The following XYLB variants were observed in gnomAD, a reference collection of about 807,000 sequenced individuals.
XYLB encodes the protein xylulokinase.
A neutral mutation model predicts 78.7 loss-of-function variants in XYLB; 62 were observed. The ratio of observed to expected loss-of-function variants is 0.79; its 90% CI spans 0.64 to 0.97. The LOEUF (loss-of-function observed/expected upper bound fraction) is 0.97, where lower values mean the gene tolerates loss of function less well. XYLB is among the 50% of genes least tolerant of loss of function. The pLI is 0.00. For synonymous variants in XYLB, 245 were observed against 247.4 expected, an observed-to-expected ratio of 0.99 and a Z score of 0.09; for missense variants, 687 against 676.8, an observed-to-expected ratio of 1.02 and a Z score of -0.17.
chr3:38,372,280 C>T (rs536913267), intron 9 of XYLB: 1 of 472,346 alleles, frequency 2.1e-6, no homozygotes, highest in African/African-American at 2.1e-5. Flanking sequence ...ATTATCTGCT[C>T]CCATGAGTTT....
rs1341171034 is a variant in XYLB at position 38,350,051 on chromosome 3, G to A, written c.140+1419G>A. On this transcript the variant is annotated intron_variant, in intron 2 of 18. Coordinates refer to ENST00000207870, the MANE Select transcript of XYLB (RefSeq NM_005108.4). ...GGGCAGAGGGGGCACAATTCAGTCC[G>A]TAACACTGTGGACTTGCTGGTTTTG... is the stretch of plus-strand genomic sequence containing the variant. 5.3e-5 allele frequency among the ~76,000 whole-genome samples: 8 copies of A among 152,328 alleles called. No homozygotes were observed. The East Asian group carries it at 5.8e-4, about 11-fold the overall frequency.
At chr3:38,381,913 T>G (rs1269360265) in intron 15 of XYLB, among the ~76,000 whole-genome samples, 1 of 152,240 alleles carries the variant, frequency 6.6e-6, no homozygotes, top group Admixed American at 6.5e-5. Context: ...ATTATCCTGT[T>G]AAGTACTTGA....
At chr3:38,425,928 TG>T (rs1215691566), downstream of XYLB, among the ~76,000 whole-genome samples, 9 of 152,256 alleles carry the variant, frequency 5.9e-5, no homozygotes, top group South Asian at 2.1e-4. Context: ...TGTATAATAC[TG>T]ATCATTCTAT....
intron 15 of XYLB, among the ~76,000 whole-genome samples, chr3:38,391,468 G>A (rs905747642): frequency 6.6e-6 from 1 of 152,066 alleles, no homozygotes; most frequent in Non-Finnish European, 1.5e-5. Flanking sequence ...TACTACATGC[G>A]GTGTGATTTG....
At chr3:38,399,297 A>T (rs1280171964) in intron 17 of XYLB, among the ~76,000 whole-genome samples, 1 of 151,692 alleles carries the variant, frequency 6.6e-6, no homozygotes, top group Non-Finnish European at 1.5e-5. Context: ...GGGTTTCGCC[A>T]TGTTGCCCAG....
chr3:38,394,806 G>A (rs775654339), intron 15 of XYLB, among the ~76,000 whole-genome samples: 5 of 152,166 alleles, frequency 3.3e-5, no homozygotes, highest in Non-Finnish European at 4.4e-5. Context: ...CTTGACTGAC[G>A]CTGGAGGATC....
downstream of XYLB, among the ~76,000 whole-genome samples, chr3:38,424,001 C>G (rs189812303): frequency 1.1e-3 from 169 of 152,268 alleles, no homozygotes; most frequent in Non-Finnish European, 2.3e-3. Flanking sequence ...ATGACCTGCT[C>G]TAGGCATTCC....
At chr3:38,403,473 G>A (rs1305441310) in intron 18 of XYLB, among the ~76,000 whole-genome samples, 2 of 152,158 alleles carry the variant, frequency 1.3e-5, no homozygotes, top group Non-Finnish European at 2.9e-5. Context: ...CATGGTGACA[G>A]GACAGCTATA....
At chr3:38,381,186 T>TC (rs1047732010) in intron 15 of XYLB, among the ~76,000 whole-genome samples, 59 of 152,306 alleles carry the variant, frequency 3.9e-4, no homozygotes, top group African/African-American at 1.4e-3. Context: ...ATTTATTAGT[T>TC]CCCCAAATTA....
chr3:38,429,996 A>C, the XYLB span, among the ~76,000 whole-genome samples: 1 of 152,162 alleles, frequency 6.6e-6, no homozygotes, highest in African/African-American at 2.4e-5. Context: ...TGCTATTGTG[A>C]ATAGTGCCAC....
chr3:38,416,305 T>G (rs1575553402), downstream of XYLB, among the ~76,000 whole-genome samples: 1 of 151,272 alleles, frequency 6.6e-6, no homozygotes, highest in Admixed American at 6.6e-5. Flanking sequence ...GAAGTGTAAG[T>G]AAGGAAAAAG....
At chr3:38,431,014 C>G in the XYLB span, among the ~76,000 whole-genome samples, 1 of 152,142 alleles carries the variant, frequency 6.6e-6, no homozygotes. Flanking sequence ...GTTCTTTTTG[C>G]TTAGGATTGT....
At chr3:38,369,058 G>T (rs936537744) in intron 8 of XYLB, among the ~76,000 whole-genome samples, 1 of 152,150 alleles carries the variant, frequency 6.6e-6, no homozygotes, top group Non-Finnish European at 1.5e-5. Flanking sequence ...TGGACAGAAT[G>T]GGGGTAGAGA....
intron 9 of XYLB, among the ~76,000 whole-genome samples, chr3:38,370,934 T>C (rs1412357819): frequency 6.6e-6 from 1 of 151,806 alleles, no homozygotes; most frequent in East Asian, 1.9e-4. Flanking sequence ...TGGTGGGAAA[T>C]GCTTACCACA....
intron 13 of XYLB, 109 bp downstream of exon 13, chr3:38,376,341 C>T (rs1405665857): frequency 1.5e-5 from 11 of 738,046 alleles, no homozygotes; most frequent in Non-Finnish European, 2.2e-5. Context: ...TGGAGAAGTC[C>T]AGGGGAGTCC....
chr3:38,404,162 C>G (rs1708224037), intron 18 of XYLB, among the ~76,000 whole-genome samples: 2 of 152,228 alleles, frequency 1.3e-5, no homozygotes, highest in Non-Finnish European at 2.9e-5. Flanking sequence ...TGTTCTCTGA[C>G]TCCTTAATGT....
intron 15 of XYLB, among the ~76,000 whole-genome samples, chr3:38,384,157 C>T (rs543192262): frequency 3.3e-5 from 5 of 152,216 alleles, no homozygotes; most frequent in African/African-American, 1.2e-4. Context: ...ACCTCCGCCT[C>T]CCGGGTTCAA....
the XYLB span, among the ~76,000 whole-genome samples, chr3:38,448,605 G>A: frequency 6.6e-6 from 1 of 152,030 alleles, no homozygotes; most frequent in African/African-American, 2.4e-5. Flanking sequence ...TTAGATGTGG[G>A]CATTTAAAAT....
chr3:38,381,819 C>G (rs577799257), intron 15 of XYLB, among the ~76,000 whole-genome samples: 2 of 152,114 alleles, frequency 1.3e-5, no homozygotes, highest in Non-Finnish European at 1.5e-5. Context: ...CAATGGTGCC[C>G]GAAACTTCAT....
Sources: gnomAD v4.1 joint callset for allele counts (sites outside exome capture counted in the v4.1 genomes callset) on GRCh38, gnomAD v4.1.1 for gene constraint, MANE v1.5 for transcripts, NCBI Gene and HGNC (gene_info 2026-07-23, HGNC 2026-07-21) for gene names.